The following GRIN2A variants were observed in gnomAD, a reference collection of about 807,000 sequenced individuals.
The protein encoded by GRIN2A is glutamate receptor ionotropic, NMDA 2A.
Under a neutral mutation model 113.4 loss-of-function variants are expected in GRIN2A, and 22 were observed. That is an observed-to-expected ratio of 0.19 (90% CI 0.14 to 0.28). The LOEUF (loss-of-function observed/expected upper bound fraction) is 0.28. Ranked by LOEUF, GRIN2A falls within the 10% of genes least tolerant of loss-of-function variation. GRIN2A has a pLI of 1.00. For missense variants in GRIN2A, 1,502 were observed against 1,887.0 expected (o/e 0.80, Z 3.78); for synonymous variants, 827 against 738.4 (o/e 1.12, Z -1.94).
intron 2 of GRIN2A, among the ~76,000 whole-genome samples, chr16:10,096,578 C>A (rs905620234): frequency 1.6e-5 from 1 of 61,974 alleles, no homozygotes; most frequent in African/African-American, 5.0e-5. Context: ...ACACACTTTA[C>A]TCTCTTGGCC....
chr16:10,169,113 A>G (rs1338018208), intron 2 of GRIN2A, among the ~76,000 whole-genome samples: 1 of 152,132 alleles, frequency 6.6e-6, no homozygotes, highest in African/African-American at 2.4e-5. Flanking sequence ...CACTTCTCCC[A>G]TATCCCCTCT....
intron 2 of GRIN2A, among the ~76,000 whole-genome samples, chr16:9,979,913 T>C (rs1447117184): frequency 2.0e-5 from 3 of 150,720 alleles, no homozygotes; most frequent in Non-Finnish European, 3.0e-5. Flanking sequence ...ATATTTATAT[T>C]ATATTGAAAA....
chr16:9,792,425 T>C (rs1252205271), intron 11 of GRIN2A, among the ~76,000 whole-genome samples: 1 of 152,128 alleles, frequency 6.6e-6, no homozygotes, highest in African/African-American at 2.4e-5. Context: ...GTTTTTGCTA[T>C]GTTGCCTGGG....
rs571597313 is a variant in GRIN2A at position 9,912,130 on chromosome 16, A to G, written c.1008-21030T>C. 8.5e-5 allele frequency among the ~76,000 whole-genome samples: 13 copies of G among 152,134 alleles called. No homozygotes were observed. The East Asian group carries it at 2.5e-3, about 29-fold the overall frequency. ...TGATGGTGATGATGGTGGTGATGGT[A>G]ATGACGATGACGATAAAGGAAAAGG... On this transcript the variant is annotated intron_variant, in intron 3 of 12. Coordinates refer to ENST00000330684, the MANE Select transcript of GRIN2A (RefSeq NM_001134407.3).
rs922422147 is a variant in GRIN2A, at chr16:9,849,204, A to T, written c.1328+552T>A. On this transcript the variant is annotated intron_variant, in intron 5 of 12. Coordinates refer to ENST00000330684, the MANE Select transcript of GRIN2A (RefSeq NM_001134407.3). The stretch of plus-strand genomic sequence containing the variant: ...ATATATTTAAATATATAAAATATAT[A>T]ATTTCTATATATTTATATATAATGT... Among the ~76,000 whole-genome samples, 5 of 143,702 alleles carry T rather than the reference A, an allele frequency of 3.5e-5. No homozygotes were observed. In the East Asian group the frequency reaches 7.9e-4, roughly 23 times the overall value. 94.3% of individuals were successfully genotyped at this position (143,702 alleles called of 152,430 possible).
chr16:10,150,539 G>A (rs903986408), intron 2 of GRIN2A, among the ~76,000 whole-genome samples: 39 of 152,108 alleles, frequency 2.6e-4, no homozygotes, highest in African/African-American at 8.5e-4. Flanking sequence ...CTCAGAACCT[G>A]TTTCCTCCCA....
In GRIN2A at chr16:10,112,648, G is replaced by T; in HGVS notation, c.414+67350C>A. ...TCGCTAGATGCCATGGAGAAGAGCA[G>T]CAGCAGCCAGAAACGATACTTCAGC... On this transcript the variant is annotated intron_variant, in intron 2 of 12. Coordinates refer to ENST00000330684, the MANE Select transcript of GRIN2A (RefSeq NM_001134407.3). 5.2e-6 allele frequency: 4 copies of T among 765,158 alleles called. No individual in the cohort carries two copies. In the South Asian group the frequency reaches 5.4e-5, roughly 10 times the overall value. 47.4% of individuals were successfully genotyped at this position (765,158 alleles called of 1,614,324 possible). A position where few individuals can be genotyped will look rare whatever the true frequency, so the allele number is the denominator to read the frequency against.
chr16:9,923,021 T>C (rs2044387017), intron 3 of GRIN2A, among the ~76,000 whole-genome samples: 1 of 152,160 alleles, frequency 6.6e-6, no homozygotes, highest in Non-Finnish European at 1.5e-5. Context: ...ATTGTTAAAA[T>C]CATCTGTATC....
chr16:9,965,588 T>C (rs911967738), intron 2 of GRIN2A, among the ~76,000 whole-genome samples: 1 of 152,156 alleles, frequency 6.6e-6, no homozygotes, highest in African/African-American at 2.4e-5. Flanking sequence ...GCAGGCTCCA[T>C]GAGAGCAAGG....
At chr16:10,140,596 A>T (rs895388595) in intron 2 of GRIN2A, among the ~76,000 whole-genome samples, 7 of 152,202 alleles carry the variant, frequency 4.6e-5, no homozygotes, top group African/African-American at 1.7e-4. Context: ...AACTGTCCCC[A>T]CTTTTCATTC....
intron 2 of GRIN2A, among the ~76,000 whole-genome samples, chr16:9,973,255 C>A (rs944701472): frequency 3.9e-5 from 6 of 152,174 alleles, no homozygotes; most frequent in African/African-American, 1.4e-4. Flanking sequence ...TAGGCAATCC[C>A]CAGGCAGGAA....
intron 2 of GRIN2A, among the ~76,000 whole-genome samples, chr16:10,059,041 G>C (rs184310084): frequency 3.0e-4 from 45 of 152,340 alleles, no homozygotes; most frequent in African/African-American, 1.1e-3. Context: ...ATACATGGAA[G>C]AGGGATTCAG....
chr16:9,812,115 T>TTTTTA (rs1332065636), intron 10 of GRIN2A, among the ~76,000 whole-genome samples: 3 of 152,174 alleles, frequency 2.0e-5, no homozygotes, highest in African/African-American at 7.2e-5. Flanking sequence ...ACAGTCATAT[T>TTTTTA]TTTTATTTTT....
rs903096801 is a variant in GRIN2A at position 10,055,529 on chromosome 16, A to C, written c.415-116978T>G. ...CACTGCAGATATCCAGATCAATGTA[A>C]AAAGGATACTCTGAGCAGACAAAAC... On this transcript the variant is annotated intron_variant, in intron 2 of 12. Coordinates refer to ENST00000330684, the MANE Select transcript of GRIN2A (RefSeq NM_001134407.3). 2.0e-5 allele frequency among the ~76,000 whole-genome samples: 3 copies of C among 152,224 alleles called. No homozygotes were observed. In the East Asian group the frequency reaches 5.8e-4, roughly 29 times the overall value.
intron 3 of GRIN2A, among the ~76,000 whole-genome samples, chr16:9,915,091 T>C (rs2044219982): frequency 1.3e-5 from 2 of 151,080 alleles, no homozygotes; most frequent in Non-Finnish European, 3.0e-5. Context: ...CAACTGCCAC[T>C]GCACCCGGCT....
rs564945225 is a variant in GRIN2A, at chr16:9,802,987, A to G, written c.2169-4523T>C. On this transcript the variant is annotated intron_variant, in intron 10 of 12. Coordinates refer to ENST00000330684, the MANE Select transcript of GRIN2A (RefSeq NM_001134407.3). ...AAAGTCTACTTTTGATCCGTTTTCTATTGGAAAAAATAATTGTTCCTGTTG... is the reference window on the plus strand; with the variant it reads ...AAAGTCTACTTTTGATCCGTTTTCTGTTGGAAAAAATAATTGTTCCTGTTG... Among the ~76,000 whole-genome samples the G allele has an allele frequency of 9.3e-5, 14 of 150,614 alleles. No homozygotes were observed. The East Asian group carries it at 2.5e-3, about 27-fold the overall frequency.
intron 2 of GRIN2A, among the ~76,000 whole-genome samples, chr16:10,006,402 G>A (rs534957438): frequency 2.1e-4 from 32 of 152,192 alleles, no homozygotes; most frequent in South Asian, 8.3e-4. Context: ...AAGGGGGAGC[G>A]GTCAAGGAGG....
chr16:9,823,178 C>T (rs1281330844), intron 9 of GRIN2A, among the ~76,000 whole-genome samples: 1 of 151,712 alleles, frequency 6.6e-6, no homozygotes, highest in African/African-American at 2.4e-5. Context: ...TCTGTCTGTC[C>T]ACAGCTTCGA....
chr16:9,986,520 C>G (rs1342546229), intron 2 of GRIN2A, among the ~76,000 whole-genome samples: 1 of 151,882 alleles, frequency 6.6e-6, no homozygotes, highest in Non-Finnish European at 1.5e-5. Context: ...ATCCCAGCAC[C>G]TTGAGGGGCC....
Sources: gnomAD v4.1 joint callset for allele counts (sites outside exome capture counted in the v4.1 genomes callset) on GRCh38, gnomAD v4.1.1 for gene constraint, MANE v1.5 for transcripts, NCBI Gene and HGNC (gene_info 2026-07-23, HGNC 2026-07-21) for gene names.